SIPA1L3: variants seen among roughly 807,000 people sequenced by gnomAD.
SIPA1L3 encodes the protein signal induced proliferation associated 1 like 3, also known as signal-induced proliferation-associated 1-like protein 3.
Under a neutral mutation model 150.1 loss-of-function variants are expected in SIPA1L3, and 59 were observed. The ratio of observed to expected loss-of-function variants is 0.39; its 90% CI spans 0.32 to 0.49. The LOEUF (loss-of-function observed/expected upper bound fraction) is 0.49. Ranked by LOEUF, SIPA1L3 falls within the 20% of genes least tolerant of loss-of-function variation. The pLI is 0.86. For missense variants in SIPA1L3, 2,211 were observed against 2,489.5 expected (o/e 0.89, Z 2.38); for synonymous variants, 1,070 against 1,077.6 (o/e 0.99, Z 0.14).
Position 38,046,847 on chromosome 19 carries a change from T to TCAGA in SIPA1L3, c.-311+17691_-311+17692insCAGA, listed in dbSNP as rs1969071640. Reference sequence around the variant, plus strand: ...GCTCAGAGCAAGGTGGCTCTGATCCTGCAGGAGGGGGCTCTCTTTGAGAGC... The same window carrying TCAGA: ...GCTCAGAGCAAGGTGGCTCTGATCCTCAGAGCAGGAGGGGGCTCTCTTTGAGAGC... On this transcript the variant is annotated intron_variant, in intron 2 of 21. Coordinates refer to ENST00000222345, the MANE Select transcript of SIPA1L3 (RefSeq NM_015073.3). The surrounding 1 kb of genome is among the most constrained non-coding windows in gnomAD (Gnocchi z 5.6). 2.6e-5 allele frequency among the ~76,000 whole-genome samples: 4 copies of TCAGA among 152,310 alleles called. No homozygotes were observed. In the South Asian group the frequency reaches 8.3e-4, roughly 32 times the overall value.
At chr19:38,190,089 G>T (rs1302842377) in intron 16 of SIPA1L3, among the ~76,000 whole-genome samples, 1 of 152,126 alleles carries the variant, frequency 6.6e-6, no homozygotes, top group Non-Finnish European at 1.5e-5. Flanking sequence ...CTTTCTGAAG[G>T]ACGCGTTTCC....
At chr19:38,075,681 G>A (rs1969821671) in intron 2 of SIPA1L3, among the ~76,000 whole-genome samples, 2 of 151,776 alleles carry the variant, frequency 1.3e-5, no homozygotes, top group Non-Finnish European at 2.9e-5. Flanking sequence ...TCAGGAGGCT[G>A]AGGCAGGAGA....
chr19:37,974,178 C>T (rs1402377512), intron 1 of SIPA1L3, among the ~76,000 whole-genome samples: 2 of 152,150 alleles, frequency 1.3e-5, no homozygotes, highest in Non-Finnish European at 2.9e-5. Flanking sequence ...CTGCCATACC[C>T]CACTTTCCTG....
chr19:38,028,466 C>T (rs1968566000), intron 1 of SIPA1L3, among the ~76,000 whole-genome samples: 3 of 152,126 alleles, frequency 2.0e-5, no homozygotes, highest in Non-Finnish European at 4.4e-5. Flanking sequence ...TCTGTCCCCT[C>T]GTCCGGGAGG....
At chr19:38,027,834 A>G (rs959333881) in intron 1 of SIPA1L3, among the ~76,000 whole-genome samples, 15 of 152,034 alleles carry the variant, frequency 9.9e-5, no homozygotes, top group African/African-American at 3.6e-4. Context: ...AGCTTAGTAT[A>G]CTTTTGACTG....
chr19:38,151,961 CAAAA>C (rs35851181), intron 12 of SIPA1L3, among the ~76,000 whole-genome samples: 3 of 86,140 alleles, frequency 3.5e-5, no homozygotes, highest in African/African-American at 1.5e-4. Flanking sequence ...GACCCCATCT[CAAAA>C]AAAAAAAAAA....
chr19:38,090,625 C>G (rs1233369462), intron 4 of SIPA1L3, among the ~76,000 whole-genome samples: 1 of 152,212 alleles, frequency 6.6e-6, no homozygotes, highest in Non-Finnish European at 1.5e-5. Context: ...GAAGACCTTT[C>G]AGAAAAGTGG....
intron 1 of SIPA1L3, among the ~76,000 whole-genome samples, chr19:38,012,209 C>CT (rs1322171463): frequency 6.6e-6 from 1 of 151,910 alleles, no homozygotes; most frequent in Non-Finnish European, 1.5e-5. Flanking sequence ...CCTCAGCCTC[C>CT]TGGATAGCTG....
At chr19:37,909,542 A>T (rs1046530120) in intron 1 of SIPA1L3, among the ~76,000 whole-genome samples, 1 of 152,160 alleles carries the variant, frequency 6.6e-6, no homozygotes, top group Non-Finnish European at 1.5e-5. Context: ...TTAGGGATTA[A>T]CATACGTAAA....
chr19:37,982,959 C>T (rs1481788095), intron 1 of SIPA1L3, among the ~76,000 whole-genome samples: 3 of 152,186 alleles, frequency 2.0e-5, no homozygotes, highest in Non-Finnish European at 4.4e-5. Context: ...GTCGAGGGTT[C>T]TCTGGCAGGC....
At chr19:38,071,449 G>A (rs1335310929) in intron 2 of SIPA1L3, among the ~76,000 whole-genome samples, 1 of 152,014 alleles carries the variant, frequency 6.6e-6, no homozygotes, top group African/African-American at 2.4e-5. Flanking sequence ...ACCATGCCTC[G>A]CTAATTTTTT....
Position 38,082,164 on chromosome 19 carries a change from G to A in SIPA1L3, c.599G>A (p.Arg200His), listed in dbSNP as rs1190339825. 6.2e-7 allele frequency: 1 copy of A among 1,605,266 alleles called. No homozygotes were observed. Among genetic ancestry groups the A allele is most frequent in the Non-Finnish European group, 8.5e-7 (1 of 1,179,678 alleles). The change falls in exon 3 of 22, where the codon CGC becomes CAC. Residue 200 changes from arginine (R) to histidine (H), a missense_variant. Physicochemically the swap from Arg to His is conservative, Grantham distance 29. Coordinates refer to ENST00000222345, the MANE Select transcript of SIPA1L3 (RefSeq NM_015073.3). The part of the protein sequence containing the change: ...ARHTGALPLF[R>H]EYGSTSSIDV... ...CACACGGGGGCGCTGCCCCTCTTCCGCGAGTACGGGAGCACCTCGTCCATC... is the reference window on the plus strand; with the variant it reads ...CACACGGGGGCGCTGCCCCTCTTCCACGAGTACGGGAGCACCTCGTCCATC...
intron 1 of SIPA1L3, among the ~76,000 whole-genome samples, chr19:37,946,821 C>G (rs2046716141): frequency 6.6e-6 from 1 of 151,848 alleles, no homozygotes; most frequent in African/African-American, 2.4e-5. Flanking sequence ...TATTTTCTTC[C>G]TAGTTATTTT....
chr19:38,083,716 C>T (rs1699345010), intron 3 of SIPA1L3, among the ~76,000 whole-genome samples: 2 of 152,122 alleles, frequency 1.3e-5, no homozygotes, highest in Non-Finnish European at 2.9e-5. Context: ...AACTGCCCGG[C>T]GCAGTGGCTC....
chr19:38,124,221 C>CGGA (rs1568562876), intron 9 of SIPA1L3, among the ~76,000 whole-genome samples: 1 of 149,842 alleles, frequency 6.7e-6, no homozygotes, highest in Non-Finnish European at 1.5e-5. Flanking sequence ...AGCTGCCGGG[C>CGGA]GGAGGGGCTC....
intron 1 of SIPA1L3, among the ~76,000 whole-genome samples, chr19:38,026,707 T>C (rs1968518401): frequency 6.6e-6 from 1 of 152,164 alleles, no homozygotes; most frequent in African/African-American, 2.4e-5. Context: ...GGGTTCTTAA[T>C]CTCGGGTCCA....
chr19:38,119,658 C>T lies in SIPA1L3; in HGVS notation c.2644C>T (p.Gln882Ter). Residue 882 changes from glutamine (Q) to a stop codon, truncating the protein, a stop_gained, in exon 9 of 22, where the codon CAG becomes TAG. Coordinates refer to ENST00000222345, the MANE Select transcript of SIPA1L3 (RefSeq NM_015073.3). LOFTEE classifies it high-confidence loss of function. ...AWRVVAQDYAQGVEIDCILGI... is the reference protein window; with the variant it reads ...AWRVVAQDYA ...GAGGGTGGTGGCCCAGGACTACGCC[C>T]AGGGGGTGGAAATCGACTGCATTTT... 1.2e-6 allele frequency: 2 copies of T among 1,614,192 alleles called. No homozygotes were observed. The highest frequency in any genetic ancestry group is 1.7e-6 in the Non-Finnish European group (2 of 1,180,018).
chr19:38,024,785 A>G (rs1968463336), intron 1 of SIPA1L3, among the ~76,000 whole-genome samples: 1 of 152,134 alleles, frequency 6.6e-6, no homozygotes, highest in African/African-American at 2.4e-5. Flanking sequence ...TCGCCCAAAC[A>G]TGAAGGAGTG....
At chr19:38,159,908 C>T (rs371947748) in intron 13 of SIPA1L3, among the ~76,000 whole-genome samples, 4 of 152,174 alleles carry the variant, frequency 2.6e-5, no homozygotes, top group African/African-American at 9.7e-5. Context: ...GTTAAATCAC[C>T]GGCGTTCAGC....
Sources: gnomAD v4.1 joint callset for allele counts (sites outside exome capture counted in the v4.1 genomes callset) on GRCh38, gnomAD v4.1.1 for gene constraint, Gnocchi (gnomAD v3.1) non-coding constraint, MANE v1.5 for transcripts, NCBI Gene and HGNC (gene_info 2026-07-23, HGNC 2026-07-21) for gene names.